The following ASAH1 variants were observed in gnomAD, a reference collection of about 807,000 sequenced individuals.
ASAH1 encodes the protein acid ceramidase.
In ASAH1, 70 loss-of-function variants were observed where a neutral mutation model predicts 59.5. The observed-to-expected ratio is 1.18, with a 90% confidence interval of 0.97 to 1.43. The LOEUF (loss-of-function observed/expected upper bound fraction) is 1.43. Ranked by LOEUF, ASAH1 falls within the 40% of genes most tolerant of loss-of-function variation. The pLI is 0.00. For missense variants in ASAH1, 660 were observed against 482.5 expected (o/e 1.37, Z -3.45); for synonymous variants, 213 against 166.5 (o/e 1.28, Z -2.15).
At chr8:18,082,121 C>T (rs1015450401) in intron 1 of ASAH1, among the ~76,000 whole-genome samples, 3 of 152,102 alleles carry the variant, frequency 2.0e-5, no homozygotes, top group Non-Finnish European at 4.4e-5. Context: ...CTTATTTTTC[C>T]AGTTTCATTG....
intron 10 of ASAH1, chr8:18,060,780 C>G (rs1404451408): frequency 6.5e-6 from 1 of 153,158 alleles, no homozygotes; most frequent in Non-Finnish European, 1.5e-5. Flanking sequence ...CAGAGTCTCA[C>G]TCTATCACTC....
At chr8:18,075,635 A>C (rs1800373476) in intron 1 of ASAH1, 48 bp from the exon 2 acceptor site, 3 of 1,572,866 alleles carry the variant, frequency 1.9e-6, no homozygotes, top group Admixed American at 1.7e-5. Context: ...AATGCTTGCC[A>C]ACGGAATAAG....
intron 7 of ASAH1, 118 bp from the exon 8 acceptor site, chr8:18,062,541 C>G: frequency 9.0e-7 from 1 of 1,105,848 alleles, no homozygotes; most frequent in Non-Finnish European, 1.4e-6. Flanking sequence ...ACGATCAATC[C>G]TAACAAGACC....
intron 7 of ASAH1, 40 bp downstream of exon 7, chr8:18,063,145 G>C (rs762739482): frequency 3.1e-6 from 5 of 1,602,860 alleles, no homozygotes; most frequent in Non-Finnish European, 4.3e-6. Context: ...TGGGATTACA[G>C]GCGTGAACCA....
chr8:18,059,556 T>C lies in ASAH1; in HGVS notation c.917+16A>G. 1.2e-6 allele frequency: 2 copies of C among 1,614,232 alleles called. No homozygotes were observed. The highest frequency in any genetic ancestry group is 1.7e-6 in the Non-Finnish European group (2 of 1,180,042). Reference sequence around the variant, plus strand: ...GCTTTTGTTTCTACTTCTTTTGCTTTAACAAACCTACTTACTCATATACAT... The same window carrying C: ...GCTTTTGTTTCTACTTCTTTTGCTTCAACAAACCTACTTACTCATATACAT... On this transcript the variant is annotated intron_variant, in intron 11 of 13. Coordinates refer to ENST00000637790, the MANE Select transcript of ASAH1 (RefSeq NM_177924.5).
rs1319975250 is a variant in ASAH1 at position 18,083,964 on chromosome 8, G to A, written c.78+17C>T. On this transcript the variant is annotated intron_variant, in intron 1 of 13. Transcript: ENST00000637790. ...ACCTGCACGCCCCTCTCTGCGCCTC[G>A]GCTCAAGCTCACTCACCGGCGGCGC... 4 of 1,596,418 alleles carry A rather than the reference G, an allele frequency of 2.5e-6. No homozygotes were observed. Among genetic ancestry groups the A allele is most frequent in the Non-Finnish European group, 3.4e-6 (4 of 1,178,802 alleles).
At chr8:18,072,085 G>A (rs2117065283) in intron 2 of ASAH1, among the ~76,000 whole-genome samples, 1 of 152,266 alleles carries the variant, frequency 6.6e-6, no homozygotes, top group South Asian at 2.1e-4. Flanking sequence ...AGTGAAGCTG[G>A]GCCATATTTC....
intron 1 of ASAH1, chr8:18,076,615 C>G (rs147178568): frequency 1.0e-3 from 158 of 152,242 alleles, no homozygotes; most frequent in African/African-American, 3.7e-3. Context: ...TAAAAAAGTA[C>G]AAATCCAAAA....
At chr8:18,067,130 G>GCACCTGTGCTGTATATCTAAGACATACAC in intron 5 of ASAH1, 90 bp downstream of exon 5, 2 of 566,106 alleles carry the variant, frequency 3.5e-6, no homozygotes, top group Non-Finnish European at 4.8e-6. Flanking sequence ...AAGACATACA[G>GCACCTGTGCTGTATATCTAAGACATACAC]CACCTGTGCT....
chr8:18,077,748 T>G (rs1485833489), intron 1 of ASAH1, among the ~76,000 whole-genome samples: 1 of 152,212 alleles, frequency 6.6e-6, no homozygotes, highest in Admixed American at 6.5e-5. Context: ...GTAAATGGCT[T>G]TCCTTATTTT....
intron 2 of ASAH1, among the ~76,000 whole-genome samples, chr8:18,075,084 C>T (rs1002149528): frequency 2.7e-5 from 4 of 148,520 alleles, no homozygotes; most frequent in South Asian, 2.2e-4. Context: ...CAAGCTCCGC[C>T]TCCCGGGTTC....
intron 2 of ASAH1, among the ~76,000 whole-genome samples, chr8:18,074,982 T>G (rs979663984): frequency 6.6e-6 from 1 of 151,704 alleles, no homozygotes; most frequent in Non-Finnish European, 1.5e-5. Context: ...GAGAATTGAG[T>G]GGAGAATGAA....
In ASAH1 at chr8:18,062,245, T is replaced by C. The variant is rs757009749; in HGVS notation, c.648+34A>G. The C allele has an allele frequency of 9.9e-6, 16 of 1,613,666 alleles. No homozygotes were observed. The Admixed American group carries it at 2.5e-4, about 25-fold the overall frequency. ...ACATAACGGTAACAGGACAGAAGGCTACCTGTATAATTATGTAACAACAGA... is the reference window on the plus strand; with the variant it reads ...ACATAACGGTAACAGGACAGAAGGCCACCTGTATAATTATGTAACAACAGA... On this transcript the variant is annotated intron_variant, in intron 8 of 13. Transcript: ENST00000637790.
At chr8:18,062,720 T>A in intron 7 of ASAH1, 1 of 434,558 alleles carries the variant, frequency 2.3e-6, no homozygotes, top group South Asian at 2.2e-5. Context: ...GATGGACACA[T>A]AAAATAGAAG....
At chr8:18,080,760 G>C (rs1178824690) in intron 1 of ASAH1, among the ~76,000 whole-genome samples, 1 of 152,138 alleles carries the variant, frequency 6.6e-6, no homozygotes, top group East Asian at 1.9e-4. Context: ...GTTTCTCCAT[G>C]TTGGCCAGGC....
At chr8:18,073,360 C>T (rs1210139854) in intron 2 of ASAH1, 27 of 1,254,042 alleles carry the variant, frequency 2.2e-5, no homozygotes, top group Non-Finnish European at 2.9e-5. Context: ...TATTTTCCTA[C>T]TTCACTGCAA....
chr8:18,057,290 G>A lies in ASAH1; in HGVS notation c.*244C>T, dbSNP rs405308. On this transcript the variant is annotated 3_prime_UTR_variant, in exon 14 of 14. Coordinates refer to ENST00000637790, the MANE Select transcript of ASAH1 (RefSeq NM_177924.5). ...AAATGTCAAAGTGAAACAAAACTCA[G>A]TGAATTCTAGATGACTGTTTTACTT... 26,196 of 350,860 alleles carry A rather than the reference G, an allele frequency of 0.075. 1,374 individuals carry two copies. The highest frequency in any genetic ancestry group is 0.18 in the African/African-American group (8,297 of 46,992). 21.7% of individuals were successfully genotyped at this position (350,860 alleles called of 1,614,324 possible).
chr8:18,079,475 G>C (rs1415590579), intron 1 of ASAH1, among the ~76,000 whole-genome samples: 1 of 141,374 alleles, frequency 7.1e-6, no homozygotes, highest in African/African-American at 2.6e-5. Context: ...GAACATTAAG[G>C]TCTCAATGAA....
intron 1 of ASAH1, among the ~76,000 whole-genome samples, chr8:18,078,351 T>C (rs147017142): frequency 3.3e-5 from 5 of 152,190 alleles, no homozygotes; most frequent in African/African-American, 4.8e-5. Flanking sequence ...CAACAATACA[T>C]GTGGAGTGAG....
Sources: gnomAD v4.1 joint callset for allele counts (sites outside exome capture counted in the v4.1 genomes callset) on GRCh38, gnomAD v4.1.1 for gene constraint, MANE v1.5 for transcripts, NCBI Gene and HGNC (gene_info 2026-07-23, HGNC 2026-07-21) for gene names.